The following GMPS variants were observed in gnomAD, a reference collection of about 807,000 sequenced individuals.
GMPS encodes GMP synthase [glutamine-hydrolyzing].
Under a neutral mutation model 77.9 loss-of-function variants are expected in GMPS, and 15 were observed. The ratio of observed to expected loss-of-function variants is 0.19; its 90% CI spans 0.13 to 0.30. GMPS has a LOEUF of 0.30. GMPS is among the 10% of genes least tolerant of loss of function. GMPS has a pLI of 1.00. For synonymous variants in GMPS, 224 were observed against 275.9 expected (o/e 0.81, Z 1.86); for missense variants, 590 against 838.8 (o/e 0.70, Z 3.66).
At chr3:155,885,438 C>T (rs1335381580) in intron 1 of GMPS, among the ~76,000 whole-genome samples, 1 of 152,144 alleles carries the variant, frequency 6.6e-6, no homozygotes, top group East Asian at 1.9e-4. Context: ...ATTTAGGCAA[C>T]ATGAAACAGT....
At chr3:155,869,870 C>T (rs377195451), upstream of GMPS, among the ~76,000 whole-genome samples, 1 of 151,788 alleles carries the variant, frequency 6.6e-6, no homozygotes, top group Non-Finnish European at 1.5e-5. Flanking sequence ...ATACCCCAAT[C>T]TCGATTTAGG....
At chr3:155,923,237 AAG>A (rs72104497) in intron 11 of GMPS, among the ~76,000 whole-genome samples, 1 of 152,032 alleles carries the variant, frequency 6.6e-6, no homozygotes. Context: ...AAACAGCTGA[AAG>A]AGAGAATTAA....
intron 1 of GMPS, among the ~76,000 whole-genome samples, chr3:155,880,638 A>G (rs1754188490): frequency 6.6e-6 from 1 of 152,234 alleles, no homozygotes; most frequent in Non-Finnish European, 1.5e-5. Context: ...ATTCCCTTGA[A>G]CAATAAATAG....
At chr3:155,917,725 T>C (rs892824392) in intron 9 of GMPS, among the ~76,000 whole-genome samples, 3 of 151,922 alleles carry the variant, frequency 2.0e-5, no homozygotes, top group Non-Finnish European at 2.9e-5. Context: ...ATACAAAAAT[T>C]AGCCAGGCGT....
chr3:155,924,901 G>T (rs1440910096), intron 11 of GMPS, among the ~76,000 whole-genome samples: 1 of 151,946 alleles, frequency 6.6e-6, no homozygotes, highest in Non-Finnish European at 1.5e-5. Context: ...TAAAAAAAAA[G>T]AAATGGCTAA....
At chr3:155,928,019 CTTTTTTTTT>C (rs35962523) in intron 12 of GMPS, among the ~76,000 whole-genome samples, 6 of 67,844 alleles carry the variant, frequency 8.8e-5, no homozygotes, top group African/African-American at 3.2e-4. Context: ...GCATTTTACA[CTTTTTTTTT>C]TTTTTTTTTT....
At chr3:155,878,983 G>A (rs369761285) in intron 1 of GMPS, among the ~76,000 whole-genome samples, 6 of 152,064 alleles carry the variant, frequency 3.9e-5, no homozygotes, top group African/African-American at 1.4e-4. Flanking sequence ...TTATATACAA[G>A]GGCAGAAGGT....
chr3:155,880,286 G>GT (rs1023879651), intron 1 of GMPS, among the ~76,000 whole-genome samples: 19 of 152,134 alleles, frequency 1.2e-4, no homozygotes, highest in African/African-American at 4.6e-4. Flanking sequence ...CTGACTTAGG[G>GT]TTTTTTAACA....
chr3:155,898,932 T>C (rs1416070008), intron 3 of GMPS, among the ~76,000 whole-genome samples: 1 of 152,200 alleles, frequency 6.6e-6, no homozygotes, highest in African/African-American at 2.4e-5. Flanking sequence ...CTTGGTTTTA[T>C]ATCAAAAGTA....
At chr3:155,922,329 C>T in intron 11 of GMPS, 27 bp downstream of exon 11, 2 of 868,134 alleles carry the variant, frequency 2.3e-6, no homozygotes, top group African/African-American at 1.7e-5. Context: ...CTAATCATTA[C>T]AAGAAATTGA....
At chr3:155,928,019 CTTTTTTTT>C (rs35962523) in intron 12 of GMPS, among the ~76,000 whole-genome samples, 2 of 67,844 alleles carry the variant, frequency 2.9e-5, no homozygotes, top group Non-Finnish European at 5.0e-5. Flanking sequence ...GCATTTTACA[CTTTTTTTT>C]TTTTTTTTTT....
At position 155,931,855 on chromosome 3, in the gene GMPS, C is replaced by A; in HGVS notation, c.1651C>A (p.Pro551Thr). The change falls in exon 13 of 16, where the codon CCT becomes ACT. Residue 551 changes from proline (P) to threonine (T), a missense_variant. Physicochemically the swap from Pro to Thr is conservative, Grantham distance 38 (BLOSUM62 -1). Transcript: ENST00000496455. ...ACTTATTTTTCTGGCTAGGCTTATA[C>A]CTCGCATGTGTCACAACGTTAACAG... ...ESLIFLARLI[P>T]RMCHNVNRVV... The A allele has an allele frequency of 6.4e-7, 1 of 1,564,852 alleles. No individual in the cohort carries two copies. The highest frequency in any genetic ancestry group is 8.8e-7 in the Non-Finnish European group (1 of 1,135,522).
intron 12 of GMPS, among the ~76,000 whole-genome samples, chr3:155,927,227 T>G (rs79108211): frequency 2.6e-5 from 4 of 152,266 alleles, no homozygotes; most frequent in Non-Finnish European, 5.9e-5. Context: ...ATTATCTCAT[T>G]CATACATAAA....
intron 12 of GMPS, among the ~76,000 whole-genome samples, chr3:155,926,807 C>T (rs1755467706): frequency 6.6e-6 from 1 of 151,930 alleles, no homozygotes; most frequent in Non-Finnish European, 1.5e-5. Context: ...GGCGGATCAC[C>T]TGAGGTTGGA....
At chr3:155,873,084 T>C (rs1753942524) in intron 1 of GMPS, among the ~76,000 whole-genome samples, 1 of 152,172 alleles carries the variant, frequency 6.6e-6, no homozygotes, top group African/African-American at 2.4e-5. Context: ...GTACATTGAT[T>C]GGGCCTTGGC....
At chr3:155,936,632 G>GC in intron 15 of GMPS, 122 bp downstream of exon 15, 1 of 601,802 alleles carries the variant, frequency 1.7e-6, no homozygotes, top group Non-Finnish European at 2.9e-6. Flanking sequence ...CATAAGATAG[G>GC]CTTTTTTTTT....
chr3:155,919,697 G>A (rs187342179), intron 10 of GMPS, among the ~76,000 whole-genome samples: 10 of 152,156 alleles, frequency 6.6e-5, no homozygotes, highest in South Asian at 2.1e-4. Context: ...ACCGCAGTGC[G>A]TTCCATGGAA....
chr3:155,897,594 G>A (rs968450986), intron 2 of GMPS, among the ~76,000 whole-genome samples: 3 of 152,106 alleles, frequency 2.0e-5, no homozygotes, highest in South Asian at 2.1e-4. Flanking sequence ...GAATTCTTAC[G>A]TACTTCTTCC....
chr3:155,929,952 C>T (rs1207229543), intron 12 of GMPS, among the ~76,000 whole-genome samples: 4 of 146,416 alleles, frequency 2.7e-5, no homozygotes, highest in East Asian at 4.3e-4. Flanking sequence ...AGGTAATTTA[C>T]AGATTCAGTG....
Sources: gnomAD v4.1 joint callset for allele counts (sites outside exome capture counted in the v4.1 genomes callset) on GRCh38, gnomAD v4.1.1 for gene constraint, MANE v1.5 for transcripts, NCBI Gene and HGNC (gene_info 2026-07-23, HGNC 2026-07-21) for gene names.